NXPE2: variants seen among roughly 807,000 people sequenced by gnomAD.
NXPE2 encodes NXPE family member 2.
In NXPE2, 34 loss-of-function variants were observed where a neutral mutation model predicts 34.4. That is an observed-to-expected ratio of 0.99 (90% CI 0.75 to 1.31). The LOEUF is 1.31. Ranked by LOEUF, NXPE2 falls within the 40% of genes most tolerant of loss-of-function variation. The pLI is 0.00. For synonymous variants in NXPE2, 235 were observed against 231.3 expected (o/e 1.02, Z -0.15); for missense variants, 649 against 672.5 (o/e 0.97, Z 0.39).
the NXPE2 span, among the ~76,000 whole-genome samples, chr11:114,623,320 A>C: frequency 6.6e-6 from 1 of 152,020 alleles, no homozygotes. Context: ...CTCTAGGGTA[A>C]TCACTGTTAC....
At chr11:114,533,784 CG>C in the NXPE2 span, among the ~76,000 whole-genome samples, 1 of 152,194 alleles carries the variant, frequency 6.6e-6, no homozygotes, top group Non-Finnish European at 1.5e-5. Context: ...ACAAAGCGGC[CG>C]GGAAGCTCAA....
At chr11:114,564,005 CAT>C in the NXPE2 span, among the ~76,000 whole-genome samples, 1 of 152,098 alleles carries the variant, frequency 6.6e-6, no homozygotes, top group African/African-American at 2.4e-5. Context: ...CTGGCACACA[CAT>C]GTTTATGGCA....
At chr11:114,731,880 G>A in the NXPE2 span, among the ~76,000 whole-genome samples, 6 of 152,094 alleles carry the variant, frequency 3.9e-5, no homozygotes, top group Non-Finnish European at 8.8e-5. Context: ...ACCATTGGGG[G>A]AAACTGGGTA....
the NXPE2 span, among the ~76,000 whole-genome samples, chr11:114,477,190 A>C: frequency 6.6e-6 from 1 of 152,198 alleles, no homozygotes. Flanking sequence ...AGAGAGTAGA[A>C]TGGTGGTTGT....
the NXPE2 span, among the ~76,000 whole-genome samples, chr11:114,571,797 C>T: frequency 6.6e-6 from 1 of 152,150 alleles, no homozygotes; most frequent in Admixed American, 6.5e-5. Flanking sequence ...CAGAAGAATC[C>T]ATAGACCCTT....
chr11:114,534,020 C>T, the NXPE2 span, among the ~76,000 whole-genome samples: 1 of 152,220 alleles, frequency 6.6e-6, no homozygotes, highest in African/African-American at 2.4e-5. Flanking sequence ...AGTAGCCTAA[C>T]TGGGAGGCAC....
At chr11:114,551,245 A>C in the NXPE2 span, 1 of 1,388,240 alleles carries the variant, frequency 7.2e-7, no homozygotes, top group African/African-American at 1.4e-5. Flanking sequence ...GAGTCGTGAG[A>C]AGTGAATCTC....
chr11:114,719,073 A>G, the NXPE2 span, among the ~76,000 whole-genome samples: 21 of 152,290 alleles, frequency 1.4e-4, no homozygotes, highest in African/African-American at 5.1e-4. Flanking sequence ...TCTCTCCTCC[A>G]CTGTAAGATC....
chr11:114,593,536 G>A, the NXPE2 span, among the ~76,000 whole-genome samples: 38 of 152,146 alleles, frequency 2.5e-4, no homozygotes, highest in Non-Finnish European at 4.7e-4. Flanking sequence ...ATATGCTAGT[G>A]AGGATGTGGA....
the NXPE2 span, chr11:114,521,856 T>C: frequency 1.2e-6 from 1 of 829,352 alleles, no homozygotes; most frequent in Non-Finnish European, 1.9e-6. Flanking sequence ...CCCAAACAGA[T>C]TCTTTTAAAT....
the NXPE2 span, among the ~76,000 whole-genome samples, chr11:114,764,978 C>T: frequency 2.0e-5 from 3 of 152,246 alleles, no homozygotes; most frequent in East Asian, 1.9e-4. Flanking sequence ...AACTGCTTCA[C>T]GTGAACTCTG....
chr11:114,757,917 G>A, the NXPE2 span, among the ~76,000 whole-genome samples: 4 of 152,128 alleles, frequency 2.6e-5, no homozygotes, highest in Admixed American at 1.3e-4. Context: ...TGGGTGGTTG[G>A]AGGCCAGGAT....
chr11:114,672,046 G>T, the NXPE2 span, among the ~76,000 whole-genome samples: 1 of 152,054 alleles, frequency 6.6e-6, no homozygotes, highest in African/African-American at 2.4e-5. Context: ...CATGGCTGGT[G>T]GGAAAGACAT....
chr11:114,650,957 C>A, the NXPE2 span, among the ~76,000 whole-genome samples: 1 of 152,220 alleles, frequency 6.6e-6, no homozygotes, highest in East Asian at 1.9e-4. Context: ...CATCAGGAAG[C>A]AGGAACACTG....
the NXPE2 span, among the ~76,000 whole-genome samples, chr11:114,490,229 A>T: frequency 6.6e-6 from 1 of 152,242 alleles, no homozygotes; most frequent in East Asian, 1.9e-4. Flanking sequence ...ATGGAAGAAC[A>T]TTCCATGCTC....
chr11:114,522,802 A>G, the NXPE2 span: 1 of 1,028,702 alleles, frequency 9.7e-7, no homozygotes, highest in Admixed American at 2.1e-5. Flanking sequence ...AATAGCTCAA[A>G]CGAGAGAATA....
the NXPE2 span, chr11:114,583,415 C>T: frequency 1.5e-6 from 1 of 648,738 alleles, no homozygotes; most frequent in Admixed American, 1.9e-5. Context: ...GGAAACCCAT[C>T]ACCCTCACAA....
the NXPE2 span, among the ~76,000 whole-genome samples, chr11:114,532,979 A>T: frequency 6.6e-6 from 1 of 152,234 alleles, no homozygotes; most frequent in Admixed American, 6.5e-5. Flanking sequence ...ACTTAGCATT[A>T]CAATTCAGTA....
the NXPE2 span, among the ~76,000 whole-genome samples, chr11:114,639,302 T>C: frequency 6.6e-6 from 1 of 152,050 alleles, no homozygotes; most frequent in Non-Finnish European, 1.5e-5. Context: ...TGGTGCACCG[T>C]TCCTTAAGCC....
Sources: gnomAD v4.1 joint callset for allele counts (sites outside exome capture counted in the v4.1 genomes callset) on GRCh38, gnomAD v4.1.1 for gene constraint, MANE v1.5 for transcripts, NCBI Gene and HGNC (gene_info 2026-07-23, HGNC 2026-07-21) for gene names.